ROBO2: variants seen among roughly 807,000 people sequenced by gnomAD.
The protein encoded by ROBO2 is roundabout homolog 2.
Under a neutral mutation model 160.8 loss-of-function variants are expected in ROBO2, and 53 were observed. That is an observed-to-expected ratio of 0.33 (90% CI 0.26 to 0.41). The LOEUF (loss-of-function observed/expected upper bound fraction) is 0.41, where lower values mean the gene tolerates loss of function less well. ROBO2 is among the 10% of genes least tolerant of loss of function. The pLI, the probability that ROBO2 is intolerant of heterozygous loss-of-function variation, is 1.00. For synonymous variants in ROBO2, 664 were observed against 611.7 expected (o/e 1.09, Z -1.26); for missense variants, 1,577 against 1,722.4 (o/e 0.92, Z 1.49).
chr3:77,280,600 A>G (rs2060180149), intron 2 of ROBO2, among the ~76,000 whole-genome samples: 1 of 152,178 alleles, frequency 6.6e-6, no homozygotes, highest in African/African-American at 2.4e-5. Context: ...TATTTTTTCC[A>G]CACTAGTTTG....
At chr3:77,326,594 AT>A (rs1335707192) in intron 2 of ROBO2, among the ~76,000 whole-genome samples, 1 of 152,132 alleles carries the variant, frequency 6.6e-6, no homozygotes, top group Non-Finnish European at 1.5e-5. Context: ...TCACAATTTA[AT>A]TTCTAGAATG....
At chr3:77,606,354 A>G (rs1331133190) in intron 20 of ROBO2, among the ~76,000 whole-genome samples, 1 of 152,204 alleles carries the variant, frequency 6.6e-6, no homozygotes, top group Admixed American at 6.5e-5. Flanking sequence ...ATGTGCAAAA[A>G]TGTAGGCAGT....
intron 2 of ROBO2, among the ~76,000 whole-genome samples, chr3:76,005,224 A>G (rs969158205): frequency 6.6e-6 from 1 of 152,198 alleles, no homozygotes; most frequent in African/African-American, 2.4e-5. Context: ...CATTTGAATG[A>G]ATATTAGTAA....
chr3:76,782,260 T>A lies in ROBO2; in HGVS notation c.110-315754T>A, dbSNP rs116619959. 4.8e-3 allele frequency among the ~76,000 whole-genome samples: 724 copies of A among 150,908 alleles called. 2 individuals carry two copies. Among genetic ancestry groups the A allele is most frequent in the Non-Finnish European group, 7.1e-3 (479 of 67,134 alleles). ...TTATGGTAGAAAAGATGCTTGATAT[T>A]TTAATCTTTCGAAATCAGTTAAGAC... On this transcript the variant is annotated intron_variant, in intron 2 of 26. Coordinates refer to the ROBO2 transcript ENST00000487694.
At chr3:77,359,870 G>A (rs1403094547) in intron 2 of ROBO2, among the ~76,000 whole-genome samples, 14 of 152,042 alleles carry the variant, frequency 9.2e-5, no homozygotes, top group African/African-American at 2.9e-4. Context: ...ATTTTCTGTA[G>A]AGACTGGGTT....
chr3:76,477,457 A>G (rs1465256576), intron 2 of ROBO2, among the ~76,000 whole-genome samples: 1 of 152,156 alleles, frequency 6.6e-6, no homozygotes, highest in Non-Finnish European at 1.5e-5. Flanking sequence ...AGAAATAGCA[A>G]ACAAGTTTTA....
At chr3:76,603,351 A>AAAAAAAAAAAAAATATAT (rs1553826368) in intron 2 of ROBO2, among the ~76,000 whole-genome samples, 1 of 26,406 alleles carries the variant, frequency 3.8e-5, no homozygotes, top group African/African-American at 2.4e-4. Context: ...AAAAAAAAAA[A>AAAAAAAAAAAAAATATAT]ATATATATAT....
rs142173637 is a variant in ROBO2, at chr3:77,436,043, G to C, written c.389-41371G>C. ...GAAGTGAGTCTTAGAGAAAAAAAAA[G>C]ACATGATATGGATTCAGTCCTGCTA... On this transcript the variant is annotated intron_variant, in intron 2 of 25. Transcript: ENST00000461745. Among the ~76,000 whole-genome samples the C allele has an allele frequency of 1.9e-4, 29 of 150,732 alleles. 1 individual carries two copies. The South Asian group carries it at 5.7e-3, about 30-fold the overall frequency.
At chr3:77,321,301 G>A (rs928346088) in intron 2 of ROBO2, among the ~76,000 whole-genome samples, 1 of 152,092 alleles carries the variant, frequency 6.6e-6, no homozygotes, top group Non-Finnish European at 1.5e-5. Context: ...AGGATTACTT[G>A]AGCCTGGGAG....
chr3:76,124,335 A>AT (rs1477426788), intron 2 of ROBO2, among the ~76,000 whole-genome samples: 10 of 151,986 alleles, frequency 6.6e-5, no homozygotes, highest in African/African-American at 2.2e-4. Flanking sequence ...TTTCACCAGG[A>AT]TTTTTTATCT....
At chr3:77,130,665 T>C (rs780583251) in intron 2 of ROBO2, among the ~76,000 whole-genome samples, 1 of 152,172 alleles carries the variant, frequency 6.6e-6, no homozygotes, top group Non-Finnish European at 1.5e-5. Flanking sequence ...ACATACATTA[T>C]TATTAACTAC....
intron 2 of ROBO2, among the ~76,000 whole-genome samples, chr3:76,527,770 A>C (rs1414666352): frequency 6.6e-6 from 1 of 152,214 alleles, no homozygotes; most frequent in Non-Finnish European, 1.5e-5. Context: ...ATAAAGCAGA[A>C]AACAGAGTAA....
chr3:76,740,813 G>T (rs962725887), intron 2 of ROBO2, among the ~76,000 whole-genome samples: 3 of 151,970 alleles, frequency 2.0e-5, no homozygotes, highest in African/African-American at 7.2e-5. Context: ...ACATTTCTGT[G>T]ACATTTTCTT....
At chr3:77,020,355 G>T (rs2062552793) in intron 2 of ROBO2, among the ~76,000 whole-genome samples, 1 of 152,142 alleles carries the variant, frequency 6.6e-6, no homozygotes, top group Non-Finnish European at 1.5e-5. Flanking sequence ...ATTCACAGCT[G>T]GTGAGAGTGT....
chr3:76,249,398 TTAAA>T (rs1266128304), intron 2 of ROBO2, among the ~76,000 whole-genome samples: 15 of 152,138 alleles, frequency 9.9e-5, no homozygotes, highest in Admixed American at 9.8e-4. Context: ...AGTAAAGATT[TTAAA>T]TAAGAGAATT....
At chr3:76,987,872 G>A (rs940459105) in intron 2 of ROBO2, among the ~76,000 whole-genome samples, 22 of 151,956 alleles carry the variant, frequency 1.4e-4, no homozygotes, top group African/African-American at 4.8e-4. Flanking sequence ...AAAATGAAGT[G>A]TATTATTAAT....
chr3:76,110,872 C>A (rs2070196734), intron 2 of ROBO2, among the ~76,000 whole-genome samples: 1 of 152,118 alleles, frequency 6.6e-6, no homozygotes, highest in African/African-American at 2.4e-5. Context: ...GTGCTTAAAT[C>A]TTCCTTACTT....
intron 2 of ROBO2, among the ~76,000 whole-genome samples, chr3:75,974,860 A>G (rs896762483): frequency 1.3e-5 from 2 of 151,650 alleles, no homozygotes. Context: ...TGGCAATAGG[A>G]AAATAGTTTG....
At position 76,946,431 on chromosome 3, in the gene ROBO2, TTTTG is replaced by T. The variant is rs200110908; in HGVS notation, c.110-151571_110-151568del. On this transcript the variant is annotated intron_variant, in intron 2 of 26. Coordinates refer to the ROBO2 transcript ENST00000487694. Reference sequence around the variant, plus strand: ...CTCTGTTTTTTTGTTGTTGTTTGTTTTTTGTTTGTTTGTTTTATTTTTTTGAGAT... The same window carrying T: ...CTCTGTTTTTTTGTTGTTGTTTGTTTTTTGTTTGTTTTATTTTTTTGAGAT... Among the ~76,000 whole-genome samples, 719 of 152,054 alleles carry T rather than the reference TTTTG, an allele frequency of 4.7e-3. 4 individuals are homozygous for T. Among genetic ancestry groups the T allele is most frequent in the African/African-American group, 0.017 (701 of 41,494 alleles).
Sources: gnomAD v4.1 joint callset for allele counts (sites outside exome capture counted in the v4.1 genomes callset) on GRCh38, gnomAD v4.1.1 for gene constraint, MANE v1.5 for transcripts, NCBI Gene and HGNC (gene_info 2026-07-23, HGNC 2026-07-21) for gene names.